Variants in CPT1C observed in about 807,000 individuals in gnomAD.
CPT1C encodes the protein palmitoyl thioesterase CPT1C.
Under a neutral mutation model 97.3 loss-of-function variants are expected in CPT1C, and 61 were observed. The observed-to-expected ratio is 0.63, with a 90% CI of 0.51 to 0.78. CPT1C has a LOEUF of 0.78. Among genes scored for constraint, CPT1C ranks in the 30% least tolerant of loss-of-function variants. The pLI is 0.00. For missense variants in CPT1C, 975 were observed against 1,065.5 expected, an observed-to-expected ratio of 0.92 and a Z score of 1.18; for synonymous variants, 469 against 447.2, an observed-to-expected ratio of 1.05 and a Z score of -0.61.
chr19:49,706,158 G>T lies in CPT1C; in HGVS notation c.1160+54G>T. ...CTCTCAGAGGCCGCCAGTGTCCTGA[G>T]ACTGTGGAAGGGCAGGGTGGGGCCA... On this transcript the variant is annotated intron_variant, in intron 11 of 19. Coordinates refer to ENST00000598293, the MANE Select transcript of CPT1C (RefSeq NM_001199753.2). This position sits in a 1 kb window ranked among gnomAD's most constrained non-coding sequence, Gnocchi z 4.8. The T allele has an allele frequency of 6.4e-7, 1 of 1,570,408 alleles. No homozygotes were observed. Among genetic ancestry groups the T allele is most frequent in the Non-Finnish European group, 8.6e-7 (1 of 1,156,628 alleles).
At chr19:49,692,024 G>A in intron 2 of CPT1C, 135 bp downstream of exon 2, 1 of 531,342 alleles carries the variant, frequency 1.9e-6, no homozygotes, top group South Asian at 2.4e-5. Flanking sequence ...AGGGGCTGGG[G>A]GCCTGGACTC....
intron 4 of CPT1C, 41 bp downstream of exon 4, chr19:49,697,506 C>A: frequency 6.3e-7 from 1 of 1,599,810 alleles, no homozygotes; most frequent in South Asian, 1.1e-5. Flanking sequence ...CCCAATCACT[C>A]TCCCTTCACC....
chr19:49,695,335 T>C (rs578075235), intron 3 of CPT1C, among the ~76,000 whole-genome samples: 3 of 147,568 alleles, frequency 2.0e-5, no homozygotes, highest in Admixed American at 6.9e-5. Context: ...CCAGGCTGGA[T>C]TGCAATGGCA....
chr19:49,704,088 G>A (rs2083365640), intron 7 of CPT1C, among the ~76,000 whole-genome samples: 2 of 152,132 alleles, frequency 1.3e-5, no homozygotes, highest in Non-Finnish European at 2.9e-5. Flanking sequence ...TCATGGTATT[G>A]GCAAGGCCAC....
chr19:49,694,844 C>T (rs1205752108), intron 3 of CPT1C, among the ~76,000 whole-genome samples: 1 of 151,874 alleles, frequency 6.6e-6, no homozygotes, highest in East Asian at 2.0e-4. Flanking sequence ...AAAGTGTTAA[C>T]ATGTGACCAT....
rs1335432049 is a variant in CPT1C, at chr19:49,706,050, C to T, written c.1106C>T (p.Pro369Leu). ...CAGTTTCAGAGAATCCTGGATGATC[C>T]CTCACCGGCCTGCCCCCACGAGGAA... ...EQQFQRILDD[P>L]SPACPHEEHL... The change falls in exon 11 of 20, where the codon CCC (proline) becomes CTC (leucine). Residue 369 changes from proline (P) to leucine (L), a missense_variant. By Grantham distance (98) the Pro-to-Leu change is moderately conservative. Coordinates refer to ENST00000598293, the MANE Select transcript of CPT1C (RefSeq NM_001199753.2). The surrounding 1 kb of genome is among the most constrained non-coding windows in gnomAD (Gnocchi z 4.8). 3 of 1,613,892 alleles carry T rather than the reference C, an allele frequency of 1.9e-6. No homozygotes were observed. The highest frequency in any genetic ancestry group is 2.5e-6 in the Non-Finnish European group (3 of 1,179,918).
intron 10 of CPT1C, 103 bp downstream of exon 10, chr19:49,705,401 T>A: frequency 2.0e-6 from 2 of 979,162 alleles, no homozygotes; most frequent in Non-Finnish European, 3.1e-6. Flanking sequence ...ATTGCTTCCT[T>A]GCTGTGTGAC....
chr19:49,696,456 CT>C (rs66983115), intron 3 of CPT1C: 24,129 of 111,470 alleles, frequency 0.22, 2,366 homozygotes, highest in African/African-American at 0.41. Flanking sequence ...CTTTTCTTTT[CT>C]TTTTTTTTTT....
In CPT1C at chr19:49,694,119, TAAATAATA is replaced by T. The variant is rs1413685711; in HGVS notation, c.141+1729_141+1736del. On this transcript the variant is annotated intron_variant, in intron 3 of 19. Coordinates refer to ENST00000598293, the MANE Select transcript of CPT1C (RefSeq NM_001199753.2). ...ATAAATAAATAAATAAATAAATAAA[TAAATAATA>T]AAGACAGAATCCTGCTTTTATAGAG... 2.2e-5 allele frequency among the ~76,000 whole-genome samples: 3 copies of T among 138,880 alleles called. No homozygotes were observed. The East Asian group carries it at 6.3e-4, about 29-fold the overall frequency. 91.1% of individuals were successfully genotyped at this position (138,880 alleles called of 152,430 possible). A position where few individuals can be genotyped will look rare whatever the true frequency, so the allele number is the denominator to read the frequency against.
chr19:49,712,343 C>CAAAAAAAAAAA (rs750870666), intron 17 of CPT1C: 354 of 119,390 alleles, frequency 3.0e-3, no homozygotes, highest in African/African-American at 0.018. Flanking sequence ...GACTCTGTCT[C>CAAAAAAAAAAA]AAAAAAAAAA....
At chr19:49,712,708 T>C in intron 17 of CPT1C, 28 bp from the exon 18 acceptor site, 5 of 1,541,034 alleles carry the variant, frequency 3.2e-6, no homozygotes, top group Non-Finnish European at 4.5e-6. Flanking sequence ...ATCTCTGTCC[T>C]GCACATGTGA....
At chr19:49,692,200 AGGGGCTG>A in intron 2 of CPT1C, 32 bp from the exon 3 acceptor site, 1 of 1,601,044 alleles carries the variant, frequency 6.2e-7, no homozygotes, top group Non-Finnish European at 8.5e-7. Flanking sequence ...CTGAGGGCGG[AGGGGCTG>A]GGGTCCTGAA....
chr19:49,693,885 C>T (rs1359056116), intron 3 of CPT1C, among the ~76,000 whole-genome samples: 3 of 152,040 alleles, frequency 2.0e-5, no homozygotes, highest in African/African-American at 4.8e-5. Context: ...GGTGAAACCC[C>T]GTTTCTACTA....
Position 49,701,408 on chromosome 19 carries a change from C to G in CPT1C, c.545C>G (p.Thr182Ser). 1.2e-6 allele frequency: 2 copies of G among 1,610,694 alleles called. No homozygotes were observed. The highest frequency in any genetic ancestry group is 1.7e-6 in the Non-Finnish European group (2 of 1,178,184). Residue 182 changes from threonine (T) to serine (S), a missense_variant, in exon 6 of 20, where the codon ACC (threonine) becomes AGC (serine). Transcript: ENST00000598293. ...PRQPVPSVQDTVRKYLESVRP... is the reference protein window; with the variant it reads ...PRQPVPSVQDSVRKYLESVRP... ...CAGCCCGTGCCCTCTGTGCAGGACA[C>G]CGTGCGCAAGGTGGGCCTGGGAGCG...
intron 13 of CPT1C, 106 bp from the exon 14 acceptor site, chr19:49,708,617 G>A: frequency 1.2e-6 from 1 of 801,504 alleles, no homozygotes; most frequent in Middle Eastern, 2.4e-4. Flanking sequence ...CTGTTTCTCA[G>A]GGACTGCCCC....
chr19:49,696,564 G>A lies in CPT1C; in HGVS notation c.142-762G>A, dbSNP rs116967749. On this transcript the variant is annotated intron_variant, in intron 3 of 19. Transcript: ENST00000598293. ...CATCCCTGAACTCCTGGGCTCAAGC[G>A]ATCCTCCTGCTTCAGCCTTCCAAGT... 4.0e-3 allele frequency: 606 copies of A among 150,246 alleles called. 12 individuals carry two copies. The East Asian group carries it at 0.077, about 19-fold the overall frequency. The allele number at this position is 150,246 out of a possible 1,614,324, so 9.3% of individuals were successfully genotyped here.
chr19:49,713,158 G>C (rs2084023739), intron 19 of CPT1C, 94 bp downstream of exon 19: 2 of 1,156,544 alleles, frequency 1.7e-6, no homozygotes. Context: ...CAGGATTCCA[G>C]GCCCCAGCCC....
At chr19:49,707,870 G>A (rs550054434) in intron 13 of CPT1C, among the ~76,000 whole-genome samples, 2 of 151,924 alleles carry the variant, frequency 1.3e-5, no homozygotes, top group African/African-American at 4.8e-5. Flanking sequence ...AGGCATGGTG[G>A]TGTGTGCCTG....
rs780592269 is a variant in CPT1C, at chr19:49,710,766, G to A, written c.1775G>A (p.Arg592His). The A allele has an allele frequency of 3.7e-6, 6 of 1,613,988 alleles. No homozygotes were observed. Among genetic ancestry groups the A allele is most frequent in the East Asian group, 2.2e-5 (1 of 44,870 alleles). Residue 592 changes from arginine (R) to histidine (H), a missense_variant, in exon 16 of 20, where the codon CGC becomes CAC. This residue lies in a region of CPT1C where 344 missense variants were observed against 395.7 expected (regional missense o/e 0.87). Transcript: ENST00000598293. ...FCLTYESAMT[R>H]LFLEGRTETV... Reference sequence around the variant, plus strand: ...CTGACTTATGAGTCGGCCATGACTCGCTTATTCCTGGAAGGCCGGACGGAG... The same window carrying A: ...CTGACTTATGAGTCGGCCATGACTCACTTATTCCTGGAAGGCCGGACGGAG...
Sources: allele counts gnomAD v4.1 joint callset (sites outside exome capture counted in the v4.1 genomes callset), GRCh38; gene constraint gnomAD v4.1.1; regional missense constraint gnomAD v4.1.1; non-coding constraint Gnocchi (gnomAD v3.1); transcripts MANE v1.5; gene names NCBI Gene and HGNC (gene_info 2026-07-23, HGNC 2026-07-21).